Variants in SEMA3E observed in about 807,000 individuals in gnomAD.
SEMA3E encodes the protein semaphorin 3E, also known as semaphorin-3E.
In SEMA3E, 49 loss-of-function variants were observed where a neutral mutation model predicts 93.6. That is an observed-to-expected ratio of 0.52 (90% CI 0.42 to 0.66). SEMA3E has a LOEUF of 0.66. Among genes scored for constraint, SEMA3E ranks in the 30% least tolerant of loss-of-function variants. The probability of loss-of-function intolerance (pLI) is 0.00; values close to 1 mark genes in which losing one functional copy is unlikely to be tolerated. For missense variants in SEMA3E, 906 were observed against 964.8 expected, an observed-to-expected ratio of 0.94 and a Z score of 0.81; for synonymous variants, 363 against 330.7, an observed-to-expected ratio of 1.10 and a Z score of -1.06.
intron 2 of SEMA3E, among the ~76,000 whole-genome samples, chr7:83,486,616 A>G (rs1368373926): frequency 6.6e-6 from 1 of 152,118 alleles, no homozygotes; most frequent in Non-Finnish European, 1.5e-5. Flanking sequence ...TGCTACTAAA[A>G]GCAGCCTCAG....
At chr7:83,622,719 C>G (rs1793589673) in intron 1 of SEMA3E, among the ~76,000 whole-genome samples, 2 of 152,164 alleles carry the variant, frequency 1.3e-5, no homozygotes, top group Admixed American at 6.5e-5. Flanking sequence ...CCTCGGCAAA[C>G]TAACACAGGA....
At chr7:83,407,499 A>G (rs2115650828) in intron 6 of SEMA3E, among the ~76,000 whole-genome samples, 1 of 152,300 alleles carries the variant, frequency 6.6e-6, no homozygotes, top group East Asian at 1.9e-4. Flanking sequence ...GAGAAGAAGA[A>G]TTTCAAACAA....
intron 9 of SEMA3E, among the ~76,000 whole-genome samples, chr7:83,403,121 C>T (rs1162390248): frequency 6.6e-6 from 1 of 151,854 alleles, no homozygotes; most frequent in African/African-American, 2.4e-5. Flanking sequence ...AGTTGAATTA[C>T]TCATTTAGAT....
chr7:83,454,272 A>AATATAT lies in SEMA3E; in HGVS notation c.456+12204_456+12209dup, dbSNP rs71534491. On this transcript the variant is annotated intron_variant, in intron 4 of 16. Transcript: ENST00000643230. ...GACTCCGACTCAAAAAAAAAAAAAA[A>AATATAT]ATATATATATATATATATATATATA... Among the ~76,000 whole-genome samples the AATATAT allele has an allele frequency of 4.0e-3, 445 of 109,990 alleles. 29 individuals carry two copies. Among genetic ancestry groups the AATATAT allele is most frequent in the African/African-American group, 0.019 (435 of 22,992 alleles). The allele number at this position is 109,990 out of a possible 152,430, so 72.2% of individuals were successfully genotyped here. A position where few individuals can be genotyped will look rare whatever the true frequency, so the allele number is the denominator to read the frequency against.
At chr7:83,508,263 C>CTTTT (rs1030827840) in intron 1 of SEMA3E, among the ~76,000 whole-genome samples, 1 of 138,714 alleles carries the variant, frequency 7.2e-6, no homozygotes, top group Non-Finnish European at 1.6e-5. Flanking sequence ...TTTTCTTTTT[C>CTTTT]TTTTTTTTTT....
At chr7:83,604,425 C>CTG (rs1297943469) in intron 1 of SEMA3E, among the ~76,000 whole-genome samples, 1 of 144,230 alleles carries the variant, frequency 6.9e-6, no homozygotes, top group Non-Finnish European at 1.6e-5. Flanking sequence ...GGTTTTCTCT[C>CTG]TCTATATATA....
intron 4 of SEMA3E, among the ~76,000 whole-genome samples, chr7:83,446,217 C>T (rs145417256): frequency 4.7e-4 from 71 of 152,270 alleles, no homozygotes; most frequent in African/African-American, 1.7e-3. Context: ...TATTCCCATC[C>T]ACCCTCCAGA....
intron 15 of SEMA3E, among the ~76,000 whole-genome samples, chr7:83,386,459 C>T (rs17213034): frequency 0.12 from 18,464 of 152,092 alleles, 1,158 homozygotes; most frequent in East Asian, 0.15. Flanking sequence ...GAGATTTCCT[C>T]CATTCCTAAC....
chr7:83,380,801 T>C (rs1300406415), intron 16 of SEMA3E, among the ~76,000 whole-genome samples: 2 of 151,970 alleles, frequency 1.3e-5, no homozygotes, highest in Non-Finnish European at 2.9e-5. Context: ...GAGTAGATAT[T>C]TACTGAGTTC....
intron 1 of SEMA3E, among the ~76,000 whole-genome samples, chr7:83,509,882 T>A (rs1790781697): frequency 6.6e-6 from 1 of 152,220 alleles, no homozygotes; most frequent in Non-Finnish European, 1.5e-5. Context: ...GTCCCTGGGT[T>A]CACAAGCTTG....
chr7:83,447,751 AG>A (rs1278072463), intron 4 of SEMA3E, among the ~76,000 whole-genome samples: 1 of 152,248 alleles, frequency 6.6e-6, no homozygotes, highest in Admixed American at 6.5e-5. Context: ...TGGAGACGAT[AG>A]GCCAGTAAAC....
chr7:83,442,141 A>G (rs1487723334), intron 4 of SEMA3E, among the ~76,000 whole-genome samples: 1 of 152,236 alleles, frequency 6.6e-6, no homozygotes, highest in Non-Finnish European at 1.5e-5. Context: ...AAGATGTGTT[A>G]AATTCCCCTC....
chr7:83,464,974 C>T (rs1324986059), intron 4 of SEMA3E, among the ~76,000 whole-genome samples: 5 of 151,650 alleles, frequency 3.3e-5, no homozygotes, highest in African/African-American at 7.3e-5. Flanking sequence ...CATCGCATCC[C>T]GTGACTTGCA....
intron 4 of SEMA3E, among the ~76,000 whole-genome samples, chr7:83,438,523 T>C (rs1562782856): frequency 6.6e-6 from 1 of 152,096 alleles, no homozygotes; most frequent in African/African-American, 2.4e-5. Context: ...GTTACACACA[T>C]GCCTTCACTA....
In SEMA3E at chr7:83,391,246, T is replaced by C. The variant is rs1788012063; in HGVS notation, c.1667+1309A>G. Among the ~76,000 whole-genome samples the C allele has an allele frequency of 2.0e-5, 3 of 152,140 alleles. 1 individual carries two copies. The South Asian group carries it at 6.2e-4, about 32-fold the overall frequency. ...ATTTTGAGAATTAAATAAAGTATTA[T>C]ATGCATTGCTCTTAATCCAATAGCT... On this transcript the variant is annotated intron_variant, in intron 14 of 16. Coordinates refer to ENST00000643230, the MANE Select transcript of SEMA3E (RefSeq NM_012431.3).
At chr7:83,427,774 T>C (rs1788801285) in intron 4 of SEMA3E, among the ~76,000 whole-genome samples, 1 of 152,178 alleles carries the variant, frequency 6.6e-6, no homozygotes. Flanking sequence ...ACTTGAGCCA[T>C]GATGACATTT....
intron 4 of SEMA3E, among the ~76,000 whole-genome samples, chr7:83,429,845 A>T (rs1040178801): frequency 6.6e-6 from 1 of 152,198 alleles, no homozygotes; most frequent in African/African-American, 2.4e-5. Context: ...TTCCTACAAC[A>T]TTAACTCCTA....
intron 4 of SEMA3E, among the ~76,000 whole-genome samples, chr7:83,422,080 G>A (rs148510343): frequency 0.027 from 4,128 of 152,336 alleles, 78 homozygotes; most frequent in Non-Finnish European, 0.042. Flanking sequence ...GGGAGGCTGA[G>A]ACAGGAGAAT....
In SEMA3E at chr7:83,385,389, C is replaced by G. The variant is rs1787857937; in HGVS notation, c.1780G>C (p.Glu594Gln). Residue 594 changes from glutamate to glutamine, a missense_variant, in exon 16 of 17, where the codon GAG (glutamate) becomes CAG (glutamine). Physicochemically the swap from Glu to Gln is conservative, Grantham distance 29. Transcript: ENST00000643230. The stretch of plus-strand genomic sequence containing the variant: ...CATTCCAGCAAAGTACTGTTGTTCT[C>G]TATGCCATAAGCCAGATGTTCTTCA... The part of the protein sequence containing the change: ...KTEEHLAYGI[E>Q]NNSTLLECTP... 6.2e-7 allele frequency: 1 copy of G among 1,613,578 alleles called. No individual in the cohort carries two copies. The highest frequency in any genetic ancestry group is 1.1e-5 in the South Asian group (1 of 91,072).
Sources: gnomAD v4.1 joint callset for allele counts (sites outside exome capture counted in the v4.1 genomes callset) on GRCh38, gnomAD v4.1.1 for gene constraint, MANE v1.5 for transcripts, NCBI Gene and HGNC (gene_info 2026-07-23, HGNC 2026-07-21) for gene names.